The following EPB41L4B variants were observed in gnomAD, a reference collection of about 807,000 sequenced individuals.
EPB41L4B encodes the protein band 4.1-like protein 4B.
EPB41L4B carries 30 observed loss-of-function variants against 112.5 expected under a neutral mutation model. The observed-to-expected ratio is 0.27, with a 90% CI of 0.20 to 0.36. The LOEUF (loss-of-function observed/expected upper bound fraction) is 0.36, where lower values mean the gene tolerates loss of function less well. Ranked by LOEUF, EPB41L4B falls within the 10% of genes least tolerant of loss-of-function variation. EPB41L4B has a pLI of 1.00. For synonymous variants in EPB41L4B, 408 were observed against 439.7 expected (o/e 0.93, Z 0.90); for missense variants, 1,024 against 1,133.3 (o/e 0.90, Z 1.38).
At chr9:109,311,353 A>G (rs1287080670) in intron 1 of EPB41L4B, among the ~76,000 whole-genome samples, 1 of 152,162 alleles carries the variant, frequency 6.6e-6, no homozygotes, top group Non-Finnish European at 1.5e-5. Context: ...TCAGCTCATG[A>G]GACAGGCATG....
chr9:109,241,017 A>G (rs1221488000), intron 15 of EPB41L4B: 6 of 984,422 alleles, frequency 6.1e-6, no homozygotes, highest in Non-Finnish European at 7.2e-6. Flanking sequence ...TATAACATCT[A>G]ATAAGTTATA....
At chr9:109,220,510 G>T (rs1407493596) in intron 15 of EPB41L4B, among the ~76,000 whole-genome samples, 1 of 152,218 alleles carries the variant, frequency 6.6e-6, no homozygotes, top group Non-Finnish European at 1.5e-5. Flanking sequence ...TAACCTGGTG[G>T]ATGGAGTGAG....
chr9:109,242,121 C>T (rs1181640311), intron 15 of EPB41L4B, among the ~76,000 whole-genome samples: 2 of 152,202 alleles, frequency 1.3e-5, no homozygotes, highest in African/African-American at 4.8e-5. Context: ...TACTACAGGG[C>T]TGCTTGGAGG....
chr9:109,273,885 C>T (rs942788024), intron 2 of EPB41L4B, among the ~76,000 whole-genome samples: 12 of 152,222 alleles, frequency 7.9e-5, no homozygotes, highest in African/African-American at 2.9e-4. Flanking sequence ...ACCTAATAGT[C>T]ACTCTTTTCT....
chr9:109,205,964 A>G (rs1291459346), intron 18 of EPB41L4B, among the ~76,000 whole-genome samples: 3 of 152,166 alleles, frequency 2.0e-5, no homozygotes, highest in Non-Finnish European at 4.4e-5. Context: ...ACAACCCCCA[A>G]ATAAAAGACA....
intron 22 of EPB41L4B, among the ~76,000 whole-genome samples, chr9:109,188,985 G>T (rs1317812070): frequency 1.3e-5 from 2 of 152,128 alleles, no homozygotes; most frequent in African/African-American, 4.8e-5. Context: ...GCATTCTAGG[G>T]TGAACATCAC....
chr9:109,230,896 G>A (rs1447306359), intron 15 of EPB41L4B, among the ~76,000 whole-genome samples: 1 of 152,090 alleles, frequency 6.6e-6, no homozygotes, highest in Non-Finnish European at 1.5e-5. Context: ...GGTGGCTCAC[G>A]CCTGTAATCC....
intron 1 of EPB41L4B, among the ~76,000 whole-genome samples, chr9:109,280,240 G>C (rs1835984882): frequency 6.6e-6 from 1 of 152,168 alleles, no homozygotes; most frequent in Admixed American, 6.5e-5. Flanking sequence ...CTTGAAGAAG[G>C]GTGTAACAGG....
rs3793559 is a variant in EPB41L4B, at chr9:109,261,210, C to T, written c.631+1840G>A. Among the ~76,000 whole-genome samples the T allele has an allele frequency of 5.7e-3, 872 of 152,096 alleles. 16 individuals are homozygous for T. In the East Asian group the frequency reaches 0.083, roughly 14 times the overall value. ...AGACTGTCATATCAGAAAAATACAT[C>T]GGAAGCACTGAGCACTGTATTTGGC... On this transcript the variant is annotated intron_variant, in intron 6 of 25. Coordinates refer to ENST00000374566, the MANE Select transcript of EPB41L4B (RefSeq NM_019114.5).
At chr9:109,177,173 C>T (rs953953438) in intron 24 of EPB41L4B, among the ~76,000 whole-genome samples, 5 of 152,196 alleles carry the variant, frequency 3.3e-5, no homozygotes, top group Non-Finnish European at 7.3e-5. Context: ...AAGAACAGTA[C>T]TGAGAACCAG....
chr9:109,176,295 T>A (rs1394019050), intron 25 of EPB41L4B, among the ~76,000 whole-genome samples: 2 of 152,246 alleles, frequency 1.3e-5, no homozygotes, highest in East Asian at 3.9e-4. Flanking sequence ...GCCTGGCTAA[T>A]TTTAGTAGAG....
At chr9:109,185,664 AGAG>A in intron 22 of EPB41L4B, 59 bp from the exon 23 acceptor site, 1 of 1,334,064 alleles carries the variant, frequency 7.5e-7, no homozygotes, top group Non-Finnish European at 1.0e-6. Flanking sequence ...GGGAGGAGGA[AGAG>A]GAGGTAGGGG....
chr9:109,262,076 G>A (rs570988079), intron 6 of EPB41L4B, among the ~76,000 whole-genome samples: 2 of 152,178 alleles, frequency 1.3e-5, no homozygotes, highest in South Asian at 2.1e-4. Context: ...TTCTGCATCC[G>A]AAACTACACA....
At position 109,249,076 on chromosome 9, in the gene EPB41L4B, T is replaced by TAC. The variant is rs1564293101; in HGVS notation, c.1311-1288_1311-1287insGT. Among the ~76,000 whole-genome samples, 15 of 143,172 alleles carry TAC rather than the reference T, an allele frequency of 1.0e-4. 1 individual carries two copies. The highest frequency in any genetic ancestry group is 2.8e-4 in the Admixed American group (4 of 14,054). The allele number at this position is 143,172 out of a possible 152,430, so 93.9% of individuals were successfully genotyped here. The stretch of plus-strand genomic sequence containing the variant: ...TCCATCTCAAAAAAAAAAAAAAATA[T>TAC]ATATATATATATATGTATATATATG... On this transcript the variant is annotated intron_variant, in intron 13 of 25. Transcript: ENST00000374566.
intron 24 of EPB41L4B, among the ~76,000 whole-genome samples, chr9:109,182,070 G>A (rs549599904): frequency 3.1e-4 from 47 of 152,194 alleles, no homozygotes; most frequent in African/African-American, 1.0e-3. Context: ...TTAGCCAGGC[G>A]TGGTGGCAAG....
chr9:109,300,521 C>T (rs1836921158), intron 1 of EPB41L4B: 1 of 152,210 alleles, frequency 6.6e-6, no homozygotes, highest in South Asian at 2.1e-4. Context: ...CATGGTGGCT[C>T]ATGCCTGTAA....
intron 6 of EPB41L4B, among the ~76,000 whole-genome samples, chr9:109,261,475 C>T (rs190789764): frequency 1.3e-5 from 2 of 152,070 alleles, no homozygotes; most frequent in East Asian, 1.9e-4. Flanking sequence ...GTGGGAGGAT[C>T]GCTTGAGGCC....
At chr9:109,235,380 T>C (rs1461831740) in intron 15 of EPB41L4B, among the ~76,000 whole-genome samples, 1 of 149,552 alleles carries the variant, frequency 6.7e-6, no homozygotes, top group African/African-American at 2.4e-5. Context: ...ATACCATTTC[T>C]TCAGCTAGAC....
intron 3 of EPB41L4B, among the ~76,000 whole-genome samples, chr9:109,268,145 T>C (rs1220383484): frequency 3.9e-5 from 6 of 152,210 alleles, no homozygotes; most frequent in South Asian, 2.1e-4. Context: ...TCAGTTCTCA[T>C]TGGCAGAGGC....
Sources: allele counts gnomAD v4.1 joint callset (sites outside exome capture counted in the v4.1 genomes callset), GRCh38; gene constraint gnomAD v4.1.1; transcripts MANE v1.5; gene names NCBI Gene and HGNC (gene_info 2026-07-23, HGNC 2026-07-21).